The following CCDC198 variants were observed in gnomAD, a reference collection of about 807,000 sequenced individuals.
The protein encoded by CCDC198 is factor associated with metabolism and energy.
In CCDC198, 18 loss-of-function variants were observed where a neutral mutation model predicts 35.6. The ratio of observed to expected loss-of-function variants is 0.51; its 90% confidence interval spans 0.35 to 0.75. CCDC198 has a LOEUF of 0.75. Among genes scored for constraint, CCDC198 ranks in the 30% least tolerant of loss-of-function variants. The pLI, the probability that CCDC198 is intolerant of heterozygous loss-of-function variation, is 0.01. For synonymous variants in CCDC198, 119 were observed against 113.4 expected (o/e 1.05, Z -0.31); for missense variants, 365 against 343.7 (o/e 1.06, Z -0.49).
At position 57,470,187 on chromosome 14, in the gene CCDC198, C is replaced by T. The variant is rs200990050; in HGVS notation, c.*1168G>A. 12 of 152,274 alleles carry T rather than the reference C, an allele frequency of 7.9e-5. 1 individual carries two copies. Among genetic ancestry groups the T allele is most frequent in the African/African-American group, 9.6e-5 (4 of 41,554 alleles). 9.4% of individuals were successfully genotyped at this position (152,274 alleles called of 1,614,324 possible). A position where few individuals can be genotyped will look rare whatever the true frequency, so the allele number is the denominator to read the frequency against. ...ATCTTCTACACGTGACATTATCTCACGTGTATCCTGTAGGCTCTCTGTTAC... is the reference window on the plus strand; with the variant it reads ...ATCTTCTACACGTGACATTATCTCATGTGTATCCTGTAGGCTCTCTGTTAC... On this transcript the variant is annotated 3_prime_UTR_variant, in exon 6 of 6. Coordinates refer to ENST00000216445, the MANE Select transcript of CCDC198 (RefSeq NM_018168.4).
At chr14:57,485,949 C>T (rs151108908) in intron 2 of CCDC198, among the ~76,000 whole-genome samples, 3 of 152,140 alleles carry the variant, frequency 2.0e-5, no homozygotes. Flanking sequence ...TGTCTGTTCC[C>T]TGAGTCTTAA....
intron 3 of CCDC198, among the ~76,000 whole-genome samples, chr14:57,482,013 CTT>C (rs888474268): frequency 3.3e-5 from 5 of 152,174 alleles, no homozygotes; most frequent in African/African-American, 1.2e-4. Flanking sequence ...TTGAGGAAAC[CTT>C]TCTTTTTCTC....
chr14:57,492,015 C>T (rs924084936), intron 1 of CCDC198, among the ~76,000 whole-genome samples: 5 of 151,992 alleles, frequency 3.3e-5, no homozygotes, highest in Admixed American at 2.0e-4. Flanking sequence ...AGGATGGAAA[C>T]AACAAACATA....
At chr14:57,486,853 C>A (rs2139538593) in intron 2 of CCDC198, among the ~76,000 whole-genome samples, 1 of 152,228 alleles carries the variant, frequency 6.6e-6, no homozygotes, top group South Asian at 2.1e-4. Flanking sequence ...AATAAGGGTT[C>A]AGTGGTAGAT....
intron 5 of CCDC198, among the ~76,000 whole-genome samples, chr14:57,473,869 C>T (rs1433995593): frequency 1.3e-5 from 2 of 152,206 alleles, no homozygotes; most frequent in Non-Finnish European, 2.9e-5. Context: ...TCCAGTTACT[C>T]TCTGAATCTC....
intron 3 of CCDC198, 86 bp downstream of exon 3, chr14:57,482,979 A>G (rs987993734): frequency 1.3e-6 from 2 of 1,578,596 alleles, no homozygotes; most frequent in Non-Finnish European, 1.7e-6. Context: ...CAGAGAGTGC[A>G]TGAAAGGACC....
intron 2 of CCDC198, among the ~76,000 whole-genome samples, chr14:57,490,181 C>T (rs1207917336): frequency 6.6e-6 from 1 of 152,078 alleles, no homozygotes; most frequent in Non-Finnish European, 1.5e-5. Context: ...TGGGATTTGG[C>T]TTCAAATGTC....
intron 2 of CCDC198, among the ~76,000 whole-genome samples, chr14:57,489,880 C>T (rs2067501453): frequency 6.6e-6 from 1 of 152,180 alleles, no homozygotes; most frequent in African/African-American, 2.4e-5. Flanking sequence ...GAATAAAACA[C>T]ATTTTAAACT....
chr14:57,472,037 A>C (rs1373149085), intron 5 of CCDC198, among the ~76,000 whole-genome samples: 2 of 152,172 alleles, frequency 1.3e-5, no homozygotes, highest in East Asian at 3.9e-4. Context: ...CAATTATTAC[A>C]CTTAAGAAAT....
Position 57,493,484 on chromosome 14 carries a change from T to C in CCDC198, c.223+9A>G. The C allele has an allele frequency of 6.2e-7, 1 of 1,609,630 alleles. No individual in the cohort carries two copies. Among genetic ancestry groups the C allele is most frequent in the African/African-American group, 1.3e-5 (1 of 74,900 alleles). On this transcript the variant is annotated intron_variant, in intron 1 of 5. Coordinates refer to ENST00000216445, the MANE Select transcript of CCDC198 (RefSeq NM_018168.4). The stretch of plus-strand genomic sequence containing the variant: ...GATACACACATCTCATGCTGGGTTT[T>C]ATGTTTACCTGTAGAATATCTTCCA...
chr14:57,480,796 CTACTTTCACCAGA>C, intron 4 of CCDC198, 42 bp from the exon 5 acceptor site: 1 of 1,604,066 alleles, frequency 6.2e-7, no homozygotes, highest in Non-Finnish European at 8.5e-7. Flanking sequence ...TCTTCCCAAG[CTACTTTCACCAGA>C]CTAGATCAAC....
At chr14:57,480,506 CT>C in intron 5 of CCDC198, 88 bp downstream of exon 5, 1 of 1,459,868 alleles carries the variant, frequency 6.8e-7, no homozygotes, top group Non-Finnish European at 9.4e-7. Context: ...TGTTTGCTGT[CT>C]TCTCATCATG....
At chr14:57,491,670 A>G (rs1352141134) in intron 1 of CCDC198, among the ~76,000 whole-genome samples, 1 of 152,086 alleles carries the variant, frequency 6.6e-6, no homozygotes, top group Non-Finnish European at 1.5e-5. Context: ...TTAAGCCTCT[A>G]TTAGGAAACA....
chr14:57,475,414 C>T (rs2066950483), intron 5 of CCDC198: 16 of 1,150,740 alleles, frequency 1.4e-5, no homozygotes, highest in Non-Finnish European at 1.6e-5. Context: ...TGACACATCC[C>T]TGAAGCATAT....
chr14:57,491,250 A>C (rs1248334690), intron 1 of CCDC198, among the ~76,000 whole-genome samples, 179 bp from the exon 2 acceptor site: 1 of 152,112 alleles, frequency 6.6e-6, no homozygotes, highest in African/African-American at 2.4e-5. Flanking sequence ...ACATTAGTGC[A>C]CATGACACTA....
At chr14:57,475,736 A>G (rs1040818155) in intron 5 of CCDC198, 19 of 400,940 alleles carry the variant, frequency 4.7e-5, no homozygotes, top group Non-Finnish European at 8.7e-5. Context: ...CATCAATTCT[A>G]TCCTTCTTCA....
At chr14:57,486,573 G>A (rs2067367918) in intron 2 of CCDC198, among the ~76,000 whole-genome samples, 1 of 152,116 alleles carries the variant, frequency 6.6e-6, no homozygotes. Context: ...CTCTCCCAGG[G>A]ATTCTGATGA....
intron 5 of CCDC198, chr14:57,475,389 A>G: frequency 9.7e-7 from 1 of 1,026,178 alleles, no homozygotes; most frequent in Non-Finnish European, 1.2e-6. Flanking sequence ...TGACATTAAA[A>G]TAATGGATTC....
intron 1 of CCDC198, 81 bp from the exon 2 acceptor site, chr14:57,491,152 T>G: frequency 1.4e-6 from 2 of 1,399,764 alleles, no homozygotes; most frequent in Non-Finnish European, 2.0e-6. Context: ...GTTACTAGAC[T>G]TTGTCAACAC....
Sources: gnomAD v4.1 joint callset for allele counts (sites outside exome capture counted in the v4.1 genomes callset) on GRCh38, gnomAD v4.1.1 for gene constraint, MANE v1.5 for transcripts, NCBI Gene and HGNC (gene_info 2026-07-23, HGNC 2026-07-21) for gene names.